Variants in DDC observed in about 807,000 individuals in gnomAD.
DDC encodes aromatic-L-amino-acid decarboxylase.
A neutral mutation model predicts 60.0 loss-of-function variants in DDC; 43 were observed. The observed-to-expected ratio is 0.72, with a 90% CI of 0.56 to 0.92. The LOEUF (loss-of-function observed/expected upper bound fraction) is 0.92, where lower values mean the gene tolerates loss of function less well. DDC is among the 40% of genes least tolerant of loss of function. The pLI is 0.00. For missense variants in DDC, 573 were observed against 620.2 expected (o/e 0.92, Z 0.81); for synonymous variants, 232 against 234.6 (o/e 0.99, Z 0.10).
chr7:50,461,200 A>G (rs985417912), intron 14 of DDC, among the ~76,000 whole-genome samples: 1 of 152,200 alleles, frequency 6.6e-6, no homozygotes, highest in Non-Finnish European at 1.5e-5. Context: ...AAATAAAGGA[A>G]TTTTTATTGC....
chr7:50,560,606 CCTT>C (rs1208620207), intron 1 of DDC, among the ~76,000 whole-genome samples: 2 of 152,122 alleles, frequency 1.3e-5, no homozygotes, highest in Non-Finnish European at 1.5e-5. Flanking sequence ...TGCATAGCCT[CCTT>C]CTTTCCCACC....
At chr7:50,484,720 T>G (rs1002119623) in intron 9 of DDC, among the ~76,000 whole-genome samples, 6 of 152,348 alleles carry the variant, frequency 3.9e-5, no homozygotes, top group African/African-American at 1.4e-4. Flanking sequence ...TGACCTCACC[T>G]GCATGAGACT....
intron 5 of DDC, 123 bp from the exon 6 acceptor site, chr7:50,528,403 C>T: frequency 8.5e-7 from 1 of 1,180,612 alleles, no homozygotes; most frequent in South Asian, 1.2e-5. Flanking sequence ...GCACAGGAGG[C>T]AGAACTGCTC....
chr7:50,471,409 G>A (rs1035905529), intron 11 of DDC, among the ~76,000 whole-genome samples: 4 of 152,110 alleles, frequency 2.6e-5, no homozygotes, highest in African/African-American at 9.7e-5. Context: ...AATAAAGTGT[G>A]GGTGGAATGA....
intron 14 of DDC, among the ~76,000 whole-genome samples, chr7:50,460,488 G>T (rs867564994): frequency 6.6e-6 from 1 of 151,246 alleles, no homozygotes; most frequent in Non-Finnish European, 1.5e-5. Flanking sequence ...GCCTCTGCCC[G>T]GCCGCCCCTA....
chr7:50,551,229 CT>C (rs58446864), intron 1 of DDC, among the ~76,000 whole-genome samples: 4,773 of 132,964 alleles, frequency 0.036, 77 homozygotes, highest in African/African-American at 0.056. Context: ...TTCCGTTGTA[CT>C]TTTTTTTTTT....
At chr7:50,495,282 C>T in intron 9 of DDC, 68 bp downstream of exon 9, 1 of 1,239,212 alleles carries the variant, frequency 8.1e-7, no homozygotes, top group Non-Finnish European at 1.2e-6. Flanking sequence ...GCTCTGGCAT[C>T]TTCCCTGCCA....
chr7:50,473,552 C>T (rs558467970), intron 11 of DDC, among the ~76,000 whole-genome samples: 1 of 152,370 alleles, frequency 6.6e-6, no homozygotes, highest in East Asian at 1.9e-4. Context: ...CCAGCCCTCT[C>T]TAGGAACACA....
At chr7:50,494,812 C>T (rs1450569843) in intron 9 of DDC, among the ~76,000 whole-genome samples, 1 of 152,010 alleles carries the variant, frequency 6.6e-6, no homozygotes, top group Non-Finnish European at 1.5e-5. Flanking sequence ...CAGGCATGCA[C>T]TACCACACCC....
chr7:50,550,957 C>G (rs934865079), intron 1 of DDC, among the ~76,000 whole-genome samples: 1 of 152,198 alleles, frequency 6.6e-6, no homozygotes, highest in Non-Finnish European at 1.5e-5. Flanking sequence ...CAATAAATGT[C>G]AGCTATTAGC....
At chr7:50,556,358 G>A (rs2045187019) in intron 1 of DDC, among the ~76,000 whole-genome samples, 1 of 152,166 alleles carries the variant, frequency 6.6e-6, no homozygotes, top group South Asian at 2.1e-4. Context: ...TGAAAGGGGT[G>A]ATGGGTCTCT....
chr7:50,518,732 A>C (rs1213070237), intron 6 of DDC, among the ~76,000 whole-genome samples: 1 of 152,244 alleles, frequency 6.6e-6, no homozygotes, highest in Non-Finnish European at 1.5e-5. Flanking sequence ...TTATACAAAA[A>C]TCAACTCAAG....
chr7:50,505,114 G>A (rs999093709), intron 6 of DDC, among the ~76,000 whole-genome samples: 9 of 152,180 alleles, frequency 5.9e-5, no homozygotes, highest in African/African-American at 9.7e-5. Flanking sequence ...GTGGTGCCAC[G>A]ATCGCACTGG....
chr7:50,497,450 G>C (rs2153539332), intron 8 of DDC, among the ~76,000 whole-genome samples: 1 of 152,298 alleles, frequency 6.6e-6, no homozygotes, highest in East Asian at 1.9e-4. Context: ...TTAGAAAAGA[G>C]CATCAAGCTC....
At chr7:50,471,130 G>A (rs1238049875) in intron 11 of DDC, among the ~76,000 whole-genome samples, 7 of 152,176 alleles carry the variant, frequency 4.6e-5, no homozygotes, top group East Asian at 1.9e-4. Flanking sequence ...GGTGGCTCAC[G>A]CCTGTAACCC....
intron 4 of DDC, among the ~76,000 whole-genome samples, chr7:50,530,233 C>T (rs1437843050): frequency 2.6e-5 from 4 of 151,804 alleles, no homozygotes; most frequent in East Asian, 1.9e-4. Context: ...CCAGCCTGGG[C>T]GACAGAGTGA....
rs552396104 is a variant in DDC, at chr7:50,461,521, G to A, written c.*18+1692C>T. Among the ~76,000 whole-genome samples, 10 of 152,194 alleles carry A rather than the reference G, an allele frequency of 6.6e-5. No individual in the cohort carries two copies. In the East Asian group the frequency reaches 7.7e-4, roughly 12 times the overall value. On this transcript the variant is annotated intron_variant, in intron 14 of 14. Coordinates refer to ENST00000444124, the MANE Select transcript of DDC (RefSeq NM_001082971.2). ...CTCCAGAGGAACTGAGACTCCTATCGGAAACACACCTTTGCTGATAAATTT... is the reference window on the plus strand; with the variant it reads ...CTCCAGAGGAACTGAGACTCCTATCAGAAACACACCTTTGCTGATAAATTT...
chr7:50,555,115 C>A (rs947608081), intron 1 of DDC, among the ~76,000 whole-genome samples: 1 of 152,142 alleles, frequency 6.6e-6, no homozygotes. Flanking sequence ...AAGCTGCCAC[C>A]AGGTCAGGCT....
At chr7:50,476,686 A>G (rs746251198) in intron 10 of DDC, 43 bp from the exon 11 acceptor site, 6 of 1,573,206 alleles carry the variant, frequency 3.8e-6, no homozygotes, top group Non-Finnish European at 4.4e-6. Context: ...ATCGTTAGAC[A>G]GGTTTGTTGA....
Sources: gnomAD v4.1 joint callset for allele counts (sites outside exome capture counted in the v4.1 genomes callset) on GRCh38, gnomAD v4.1.1 for gene constraint, MANE v1.5 for transcripts, NCBI Gene and HGNC (gene_info 2026-07-23, HGNC 2026-07-21) for gene names.